The following AGBL4 variants were observed in gnomAD, a reference collection of about 807,000 sequenced individuals.
AGBL4 encodes cytosolic carboxypeptidase 6.
Under a neutral mutation model 66.4 loss-of-function variants are expected in AGBL4, and 58 were observed. The observed-to-expected ratio is 0.87, with a 90% CI of 0.71 to 1.09. The LOEUF (loss-of-function observed/expected upper bound fraction) is 1.09, where lower values mean the gene tolerates loss of function less well. AGBL4 is among the 50% of genes least tolerant of loss of function. AGBL4 has a pLI of 0.00. For missense variants in AGBL4, 579 were observed against 631.0 expected, an observed-to-expected ratio of 0.92 and a Z score of 0.88; for synonymous variants, 234 against 222.9, an observed-to-expected ratio of 1.05 and a Z score of -0.44.
intron 3 of AGBL4, among the ~76,000 whole-genome samples, chr1:49,672,937 A>AAAAAG (rs1558151590): frequency 1.3e-5 from 2 of 150,382 alleles, no homozygotes; most frequent in South Asian, 2.1e-4. Flanking sequence ...AAAAAAAAAA[A>AAAAAG]AAAAGAAAAG....
chr1:49,896,191 G>T (rs542390589), intron 1 of AGBL4, among the ~76,000 whole-genome samples: 1 of 152,054 alleles, frequency 6.6e-6, no homozygotes, highest in East Asian at 1.9e-4. Flanking sequence ...CAGAGCAATT[G>T]TAAATATATA....
At chr1:49,611,612 C>T (rs1482602920) in intron 3 of AGBL4, among the ~76,000 whole-genome samples, 5 of 151,978 alleles carry the variant, frequency 3.3e-5, no homozygotes, top group South Asian at 2.1e-4. Context: ...CTCCTGACCT[C>T]GTGATCCGCC....
At chr1:49,035,814 T>C (rs568661795) in intron 5 of AGBL4, among the ~76,000 whole-genome samples, 36 of 152,234 alleles carry the variant, frequency 2.4e-4, no homozygotes, top group African/African-American at 8.7e-4. Context: ...AAAGGGCATA[T>C]GAACAATTTC....
At chr1:49,935,032 T>C (rs1003078801) in intron 1 of AGBL4, among the ~76,000 whole-genome samples, 4 of 152,204 alleles carry the variant, frequency 2.6e-5, no homozygotes, top group Admixed American at 2.0e-4. Context: ...GGGCAAGGCA[T>C]TGCCTCACTC....
chr1:49,673,297 G>A lies in AGBL4; in HGVS notation c.282+24016C>T, dbSNP rs180736866. On this transcript the variant is annotated intron_variant, in intron 3 of 13. Coordinates refer to ENST00000371839, the MANE Select transcript of AGBL4 (RefSeq NM_032785.4). ...CAGTGCTTGCAGCACAAACATGGGA[G>A]TGCAGACATCCCTTCGATTTACTGA... is the stretch of plus-strand genomic sequence containing the variant. Among the ~76,000 whole-genome samples, 275 of 152,272 alleles carry A rather than the reference G, an allele frequency of 1.8e-3. 1 individual carries two copies. Among genetic ancestry groups the A allele is most frequent in the African/African-American group, 6.3e-3 (260 of 41,564 alleles).
chr1:49,723,230 G>A (rs965589322), intron 2 of AGBL4, among the ~76,000 whole-genome samples: 10 of 151,932 alleles, frequency 6.6e-5, no homozygotes, highest in Non-Finnish European at 1.2e-4. Flanking sequence ...TAGCCAGGCC[G>A]TAGTCCTTAA....
intron 1 of AGBL4, among the ~76,000 whole-genome samples, chr1:49,900,409 C>A (rs552442974): frequency 3.6e-4 from 54 of 152,026 alleles, no homozygotes; most frequent in Admixed American, 5.9e-4. Context: ...CCACGCCAGG[C>A]TAATTTTGTA....
chr1:48,789,161 C>T (rs1320588281), intron 6 of AGBL4, among the ~76,000 whole-genome samples: 1 of 152,154 alleles, frequency 6.6e-6, no homozygotes, highest in Non-Finnish European at 1.5e-5. Flanking sequence ...ATGGTTCTCA[C>T]TCTGCTATGT....
chr1:49,466,015 A>C (rs1646622914), intron 3 of AGBL4, among the ~76,000 whole-genome samples: 1 of 151,862 alleles, frequency 6.6e-6, no homozygotes, highest in South Asian at 2.1e-4. Flanking sequence ...TGGGCGTGGC[A>C]AGGCCCATGG....
At chr1:49,192,148 T>G (rs890836566) in intron 4 of AGBL4, among the ~76,000 whole-genome samples, 1 of 152,192 alleles carries the variant, frequency 6.6e-6, no homozygotes, top group African/African-American at 2.4e-5. Context: ...ATCCTAGCCA[T>G]TCTAATTGGG....
intron 5 of AGBL4, among the ~76,000 whole-genome samples, chr1:48,922,248 T>G (rs953960279): frequency 6.6e-6 from 1 of 152,186 alleles, no homozygotes; most frequent in Non-Finnish European, 1.5e-5. Context: ...TTCTCATTTG[T>G]TATGCACAGA....
chr1:49,487,381 T>G (rs996026231), intron 3 of AGBL4, among the ~76,000 whole-genome samples: 4 of 151,960 alleles, frequency 2.6e-5, no homozygotes, highest in African/African-American at 9.7e-5. Flanking sequence ...AAATCTCACT[T>G]TGAATTGTAA....
At chr1:48,580,987 G>A (rs759238946) in intron 11 of AGBL4, among the ~76,000 whole-genome samples, 24 of 151,852 alleles carry the variant, frequency 1.6e-4, no homozygotes, top group Non-Finnish European at 2.9e-4. Context: ...CCTTTCTTCC[G>A]ACCCCCTCCT....
chr1:48,953,545 A>G (rs1176180218), intron 5 of AGBL4, among the ~76,000 whole-genome samples: 1 of 152,224 alleles, frequency 6.6e-6, no homozygotes, highest in Admixed American at 6.5e-5. Context: ...GGAAGGACTC[A>G]TGAAGAAGAG....
At chr1:49,882,690 G>T (rs1222748182) in intron 1 of AGBL4, among the ~76,000 whole-genome samples, 1 of 152,104 alleles carries the variant, frequency 6.6e-6, no homozygotes, top group African/African-American at 2.4e-5. Flanking sequence ...CTCTCTGTTT[G>T]TCTGTTATTG....
intron 2 of AGBL4, among the ~76,000 whole-genome samples, chr1:49,841,517 AAG>A (rs1224695968): frequency 1.3e-5 from 2 of 152,208 alleles, no homozygotes; most frequent in African/African-American, 4.8e-5. Flanking sequence ...GGAACCAAAA[AAG>A]AGTCCAAATA....
At chr1:49,735,648 C>A (rs1266254240) in intron 2 of AGBL4, among the ~76,000 whole-genome samples, 4 of 151,990 alleles carry the variant, frequency 2.6e-5, no homozygotes, top group Non-Finnish European at 5.9e-5. Flanking sequence ...ATGGACTACA[C>A]ACCTAACATA....
chr1:48,912,786 C>A (rs955242912), intron 5 of AGBL4, among the ~76,000 whole-genome samples: 1 of 152,110 alleles, frequency 6.6e-6, no homozygotes, highest in African/African-American at 2.4e-5. Flanking sequence ...ATTGAGGTTA[C>A]TAGGAGCTTG....
At chr1:49,687,415 T>C (rs1356536325) in intron 3 of AGBL4, among the ~76,000 whole-genome samples, 2 of 152,118 alleles carry the variant, frequency 1.3e-5, no homozygotes, top group Non-Finnish European at 2.9e-5. Flanking sequence ...AGTTACTAGG[T>C]TTATTATCAG....
Sources: allele counts gnomAD v4.1 joint callset (sites outside exome capture counted in the v4.1 genomes callset), GRCh38; gene constraint gnomAD v4.1.1; transcripts MANE v1.5; gene names NCBI Gene and HGNC (gene_info 2026-07-23, HGNC 2026-07-21).